TXN: variants seen among roughly 807,000 people sequenced by gnomAD.
TXN encodes thioredoxin, also known as ADF.
Under a neutral mutation model 16.5 loss-of-function variants are expected in TXN, and 10 were observed. The observed-to-expected ratio is 0.61, with a 90% CI of 0.37 to 1.03. The LOEUF (loss-of-function observed/expected upper bound fraction) is 1.03, where lower values mean the gene tolerates loss of function less well. Among genes scored for constraint, TXN ranks in the 50% least tolerant of loss-of-function variants. TXN has a pLI of 0.01. For missense variants in TXN, 71 were observed against 122.5 expected, an observed-to-expected ratio of 0.58 and a Z score of 1.98; for synonymous variants, 35 against 39.4, an observed-to-expected ratio of 0.89 and a Z score of 0.42.
chr9:110,246,879 T>C (rs1328623492), intron 3 of TXN, among the ~76,000 whole-genome samples: 3 of 152,226 alleles, frequency 2.0e-5, no homozygotes, highest in Non-Finnish European at 4.4e-5. Flanking sequence ...GGTTACCATT[T>C]ATAAAATAAG....
At chr9:110,255,261 G>A (rs1472066597) in intron 1 of TXN, among the ~76,000 whole-genome samples, 3 of 152,194 alleles carry the variant, frequency 2.0e-5, no homozygotes, top group Non-Finnish European at 4.4e-5. Context: ...CGCTGGCGAG[G>A]GGTCTTCTAC....
chr9:110,248,595 A>G (rs1837686616), intron 3 of TXN, among the ~76,000 whole-genome samples: 2 of 152,134 alleles, frequency 1.3e-5, no homozygotes, highest in Admixed American at 1.3e-4. Flanking sequence ...AAGTATCCTC[A>G]TCATTAAGTG....
Position 110,256,502 on chromosome 9 carries a change from A to C in TXN, c.-67T>G. ...GAAATGGATCCAAAGCACCAAACAG[A>C]GCTTCAAGACTCGCTGCTTGCTCTC... is the stretch of plus-strand genomic sequence containing the variant. On this transcript the variant is annotated 5_prime_UTR_variant, in exon 1 of 5. Coordinates refer to ENST00000374517, the MANE Select transcript of TXN (RefSeq NM_003329.4). This position sits in a 1 kb window ranked among gnomAD's most constrained non-coding sequence, Gnocchi z 4.2. The C allele has an allele frequency of 3.9e-6, 6 of 1,538,304 alleles. No homozygotes were observed. The highest frequency in any genetic ancestry group is 5.3e-6 in the Non-Finnish European group (6 of 1,129,464).
At chr9:110,253,410 C>A (rs532247625) in intron 1 of TXN, among the ~76,000 whole-genome samples, 1 of 152,212 alleles carries the variant, frequency 6.6e-6, no homozygotes, top group South Asian at 2.1e-4. Context: ...ACTTATTGTT[C>A]CAGATCAATT....
At position 110,248,570 on chromosome 9, in the gene TXN, C is replaced by A. The variant is rs4135203; in HGVS notation, c.189+2250G>T. ...CTCTATGTGTGCACAACAAAATTGC[C>A]TAACATTTCTCAGAAAGTATCCTCA... is the stretch of plus-strand genomic sequence containing the variant. On this transcript the variant is annotated intron_variant, in intron 3 of 4. Transcript: ENST00000374517. Among the ~76,000 whole-genome samples the A allele has an allele frequency of 3.3e-5, 5 of 152,026 alleles. No homozygotes were observed. The South Asian group carries it at 1.0e-3, about 32-fold the overall frequency.
At chr9:110,251,586 C>CAAAAAAAAAAAAAAAAA (rs5899890) in intron 1 of TXN, 124 bp from the exon 2 acceptor site, 1 of 55,846 alleles carries the variant, frequency 1.8e-5, no homozygotes, top group Non-Finnish European at 3.6e-5. Context: ...ACTTTTTAGC[C>CAAAAAAAAAAAAAAAAA]AAAAAAAAAA....
intron 1 of TXN, among the ~76,000 whole-genome samples, chr9:110,253,039 C>T (rs1201960302): frequency 6.6e-6 from 1 of 151,650 alleles, no homozygotes; most frequent in Non-Finnish European, 1.5e-5. Context: ...GGAAACAATG[C>T]TGGTCAAATA....
At chr9:110,245,695 G>A (rs1322218371) in intron 3 of TXN, among the ~76,000 whole-genome samples, 1 of 110,310 alleles carries the variant, frequency 9.1e-6, no homozygotes, top group Non-Finnish European at 1.8e-5. Context: ...GTCTCTCCAT[G>A]TTGCCCAGGC....
At chr9:110,247,593 A>G (rs1192383545) in intron 3 of TXN, among the ~76,000 whole-genome samples, 1 of 152,206 alleles carries the variant, frequency 6.6e-6, no homozygotes, top group Non-Finnish European at 1.5e-5. Context: ...TTACATACAA[A>G]GTATACCACT....
At chr9:110,247,765 A>C (rs1444798213) in intron 3 of TXN, among the ~76,000 whole-genome samples, 4 of 152,210 alleles carry the variant, frequency 2.6e-5, no homozygotes, top group Non-Finnish European at 2.9e-5. Context: ...TAATTTCATT[A>C]TTAATTTAGA....
rs1837734797 is a variant in TXN at position 110,251,431 on chromosome 9, C to A, written c.56G>T (p.Gly19Val). 1.2e-6 allele frequency: 2 copies of A among 1,611,900 alleles called. No individual in the cohort carries two copies. Among genetic ancestry groups the A allele is most frequent in the Non-Finnish European group, 1.7e-6 (2 of 1,179,772 alleles). ...TAFQEALDAA[G>V]DKLVVVDFSA... Reference sequence around the variant, plus strand: ...GAAGTCAACTACTACAAGTTTATCACCTGCAGCGTCCAAGGCTTCCTGAAA... The same window carrying A: ...GAAGTCAACTACTACAAGTTTATCAACTGCAGCGTCCAAGGCTTCCTGAAA... The change falls in exon 2 of 5, where the codon GGT becomes GTT. Residue 19 changes from glycine to valine, a missense_variant. Transcript: ENST00000374517.
At chr9:110,245,618 C>CCATATA (rs1425530609) in intron 3 of TXN, among the ~76,000 whole-genome samples, 4 of 30,894 alleles carry the variant, frequency 1.3e-4, no homozygotes, top group African/African-American at 4.1e-4. Flanking sequence ...CACACACACA[C>CCATATA]TATATATATA....
At chr9:110,249,947 C>G (rs1837707489) in intron 3 of TXN, among the ~76,000 whole-genome samples, 1 of 152,178 alleles carries the variant, frequency 6.6e-6, no homozygotes, top group Non-Finnish European at 1.5e-5. Flanking sequence ...TCCTTCTCCA[C>G]TAGGGCTAAG....
At chr9:110,252,824 T>C (rs1245197446) in intron 1 of TXN, among the ~76,000 whole-genome samples, 1 of 152,160 alleles carries the variant, frequency 6.6e-6, no homozygotes, top group Non-Finnish European at 1.5e-5. Context: ...TTTGTATTTT[T>C]AGTAGAGACA....
rs560528778 is a variant in TXN at position 110,256,084 on chromosome 9, C to A, written c.24+328G>T. 6.6e-6 allele frequency among the ~76,000 whole-genome samples: 1 copy of A among 152,304 alleles called. No individual in the cohort carries two copies. Among genetic ancestry groups the A allele is most frequent in the East Asian group, 1.9e-4 (1 of 5,168 alleles). On this transcript the variant is annotated intron_variant, in intron 1 of 4. Transcript: ENST00000374517. This position sits in a 1 kb window ranked among gnomAD's most constrained non-coding sequence, Gnocchi z 4.2. ...GCGTGGGGACTCCTCACGCTGTCTG[C>A]GCTCTCACATCCCCCGGACGCTCCC... is the stretch of plus-strand genomic sequence containing the variant.
At chr9:110,253,163 A>C (rs1035775864) in intron 1 of TXN, among the ~76,000 whole-genome samples, 4 of 151,934 alleles carry the variant, frequency 2.6e-5, no homozygotes, top group African/African-American at 9.7e-5. Context: ...ACAAAAAAAA[A>C]CCCAACAAGA....
intron 1 of TXN, among the ~76,000 whole-genome samples, chr9:110,254,648 T>TA (rs1325194444): frequency 6.6e-6 from 1 of 152,266 alleles, no homozygotes; most frequent in East Asian, 1.9e-4. Context: ...GTGCTTTTTT[T>TA]AAAGTTCCTG....
intron 3 of TXN, among the ~76,000 whole-genome samples, chr9:110,246,360 C>A (rs4135210): frequency 0.014 from 2,073 of 152,246 alleles, 51 homozygotes; most frequent in African/African-American, 0.046. Flanking sequence ...ACACATTCCT[C>A]AACTGTGGAA....
chr9:110,249,385 C>G (rs927877543), intron 3 of TXN, among the ~76,000 whole-genome samples: 2 of 151,768 alleles, frequency 1.3e-5, no homozygotes, highest in East Asian at 1.9e-4. Flanking sequence ...TCATTCATTC[C>G]ACACCTATAC....
Sources: gnomAD v4.1 joint callset for allele counts (sites outside exome capture counted in the v4.1 genomes callset) on GRCh38, gnomAD v4.1.1 for gene constraint, Gnocchi (gnomAD v3.1) non-coding constraint, MANE v1.5 for transcripts, NCBI Gene and HGNC (gene_info 2026-07-23, HGNC 2026-07-21) for gene names.